Variants in SAMMSON observed in about 807,000 individuals in gnomAD.
The protein encoded by SAMMSON is survival associated mitochondrial melanoma specific oncogenic non-coding RNA.
chr3:70,362,391 G>T (rs1702878889), intron 9 of SAMMSON, among the ~76,000 whole-genome samples: 1 of 152,136 alleles, frequency 6.6e-6, no homozygotes, highest in African/African-American at 2.4e-5. Flanking sequence ...CCCTTGTGGA[G>T]CCCAGAACAC....
At chr3:70,023,950 T>C (rs969020034) in intron 3 of SAMMSON, among the ~76,000 whole-genome samples, 1 of 152,176 alleles carries the variant, frequency 6.6e-6, no homozygotes, top group Non-Finnish European at 1.5e-5. Flanking sequence ...CCCACAGTTT[T>C]TCCTTCTGCC....
At chr3:70,059,097 A>C (rs1462044816) in intron 3 of SAMMSON, among the ~76,000 whole-genome samples, 1 of 152,142 alleles carries the variant, frequency 6.6e-6, no homozygotes, top group Non-Finnish European at 1.5e-5. Flanking sequence ...TCGTTCTACC[A>C]GACCCCAGAC....
chr3:70,216,026 C>T (rs7638748), intron 4 of SAMMSON, among the ~76,000 whole-genome samples: 3 of 151,710 alleles, frequency 2.0e-5, no homozygotes, highest in Non-Finnish European at 4.4e-5. Context: ...TGTGAAAATA[C>T]AAAAAGATAC....
intron 7 of SAMMSON, among the ~76,000 whole-genome samples, chr3:70,316,248 A>C (rs1377308602): frequency 6.6e-6 from 1 of 152,202 alleles, no homozygotes; most frequent in African/African-American, 2.4e-5. Context: ...CTTTTTGAAC[A>C]AACAAATAAT....
At chr3:70,388,657 A>G (rs1257792163) in intron 9 of SAMMSON, among the ~76,000 whole-genome samples, 1 of 152,184 alleles carries the variant, frequency 6.6e-6, no homozygotes, top group Non-Finnish European at 1.5e-5. Flanking sequence ...ATTATGGGAA[A>G]CAGCCAGGGT....
chr3:70,171,773 C>T (rs547329007), intron 4 of SAMMSON, among the ~76,000 whole-genome samples: 9 of 152,048 alleles, frequency 5.9e-5, no homozygotes, highest in African/African-American at 2.2e-4. Context: ...AGTGCATACT[C>T]ATTATCCCAG....
At chr3:70,200,121 C>A (rs570662126) in intron 4 of SAMMSON, among the ~76,000 whole-genome samples, 3 of 152,140 alleles carry the variant, frequency 2.0e-5, no homozygotes, top group African/African-American at 4.8e-5. Context: ...AATTCGTATT[C>A]GAAATCCACA....
intron 4 of SAMMSON, among the ~76,000 whole-genome samples, chr3:70,184,725 G>C (rs1228324845): frequency 6.6e-6 from 1 of 152,182 alleles, no homozygotes; most frequent in Non-Finnish European, 1.5e-5. Flanking sequence ...GAATAATTTA[G>C]TTGCCAGCCC....
At chr3:70,166,369 C>A (rs745872549) in intron 4 of SAMMSON, among the ~76,000 whole-genome samples, 1 of 151,964 alleles carries the variant, frequency 6.6e-6, no homozygotes, top group Non-Finnish European at 1.5e-5. Flanking sequence ...GAATTGCTTC[C>A]AATAGCTAGA....
intron 3 of SAMMSON, among the ~76,000 whole-genome samples, chr3:70,022,103 A>G (rs1461805250): frequency 1.3e-5 from 2 of 152,004 alleles, no homozygotes; most frequent in African/African-American, 2.4e-5. Flanking sequence ...TTTTTTACCA[A>G]TTTAAAGATT....
chr3:70,429,732 G>A (rs1701398717), intron 2 of SAMMSON, among the ~76,000 whole-genome samples: 2 of 152,140 alleles, frequency 1.3e-5, no homozygotes, highest in African/African-American at 4.8e-5. Flanking sequence ...TGTAGCAATT[G>A]TGAATGGGAG....
At chr3:70,338,315 A>G (rs2686538) in intron 7 of SAMMSON, among the ~76,000 whole-genome samples, 111,596 of 151,774 alleles carry the variant, frequency 0.74, 41,341 homozygotes, top group Middle Eastern at 0.78. Context: ...AGCAAACAGG[A>G]GGATAATGAA....
chr3:70,145,114 A>G (rs141667413), intron 4 of SAMMSON, among the ~76,000 whole-genome samples: 1 of 152,076 alleles, frequency 6.6e-6, no homozygotes, highest in Admixed American at 6.6e-5. Context: ...CAGCCATAGA[A>G]AATCTCAGGT....
At chr3:70,123,143 G>C (rs762894303) in intron 4 of SAMMSON, among the ~76,000 whole-genome samples, 1 of 152,244 alleles carries the variant, frequency 6.6e-6, no homozygotes, top group Non-Finnish European at 1.5e-5. Context: ...ATTCAGTGGG[G>C]CTGGGGAAGG....
At chr3:70,244,063 C>T (rs1430615933) in intron 4 of SAMMSON, among the ~76,000 whole-genome samples, 2 of 152,186 alleles carry the variant, frequency 1.3e-5, no homozygotes, top group Non-Finnish European at 2.9e-5. Context: ...AGATTTTCCA[C>T]CGTAACTACT....
intron 4 of SAMMSON, among the ~76,000 whole-genome samples, chr3:70,103,994 CTT>C (rs11357634): frequency 0.031 from 4,250 of 138,676 alleles, 111 homozygotes; most frequent in East Asian, 0.16. Context: ...TTCATTTAAG[CTT>C]TTTTTTTTTT....
chr3:70,330,162 T>C (rs918196885), intron 7 of SAMMSON, among the ~76,000 whole-genome samples: 3 of 151,884 alleles, frequency 2.0e-5, no homozygotes, highest in South Asian at 2.1e-4. Flanking sequence ...GGAAAAAATA[T>C]ATAAACTTTA....
At chr3:70,297,478 C>A (rs922516444) in intron 7 of SAMMSON, among the ~76,000 whole-genome samples, 1 of 151,852 alleles carries the variant, frequency 6.6e-6, no homozygotes, top group Non-Finnish European at 1.5e-5. Flanking sequence ...TTACTAATGA[C>A]AAATTTATAT....
rs552516656 is a variant in SAMMSON, at chr3:70,019,722, G to A, written n.417+6050G>A. Among the ~76,000 whole-genome samples, 14 of 152,194 alleles carry A rather than the reference G, an allele frequency of 9.2e-5. No individual in the cohort carries two copies. In the East Asian group the frequency reaches 1.9e-3, roughly 21 times the overall value. ...GCATGTTTTTGCAGTGTCTGGTACC[G>A]GTTGTTCCTTTCCATGTTTGTGCTT... On this transcript the variant is annotated intron_variant and non_coding_transcript_variant, in intron 3 of 9. Transcript: ENST00000642114.
Sources: gnomAD v4.1 joint callset for allele counts (sites outside exome capture counted in the v4.1 genomes callset) on GRCh38, gnomAD v4.1.1 for gene constraint, MANE v1.5 for transcripts, NCBI Gene and HGNC (gene_info 2026-07-23, HGNC 2026-07-21) for gene names.